CBLL1: variants seen among roughly 807,000 people sequenced by gnomAD.
The protein encoded by CBLL1 is Cbl proto-oncogene like 1, also known as E3 ubiquitin-protein ligase Hakai.
CBLL1 carries 4 observed loss-of-function variants against 44.9 expected under a neutral mutation model. That is an observed-to-expected ratio of 0.09 (90% CI 0.04 to 0.20). The LOEUF (loss-of-function observed/expected upper bound fraction) is 0.20, where lower values mean the gene tolerates loss of function less well. CBLL1 is among the 10% of genes least tolerant of loss of function. The probability of loss-of-function intolerance (pLI) is 1.00; values close to 1 mark genes in which losing one functional copy is unlikely to be tolerated. For missense variants in CBLL1, 569 were observed against 636.7 expected (o/e 0.89, Z 1.14); for synonymous variants, 235 against 202.2 (o/e 1.16, Z -1.38).
At chr7:107,757,199 A>G (rs994499053) in intron 5 of CBLL1, among the ~76,000 whole-genome samples, 3 of 152,304 alleles carry the variant, frequency 2.0e-5, no homozygotes, top group Middle Eastern at 3.4e-3. Context: ...ATATTTATAT[A>G]TAGTGCTTAA....
At chr7:107,745,035 T>C (rs1009707910) in intron 1 of CBLL1, among the ~76,000 whole-genome samples, 15 of 152,048 alleles carry the variant, frequency 9.9e-5, no homozygotes, top group Non-Finnish European at 1.8e-4. Flanking sequence ...TATAATTAGG[T>C]GTGTATGTTT....
intron 1 of CBLL1, among the ~76,000 whole-genome samples, chr7:107,746,921 T>TAA (rs35594491): frequency 6.6e-6 from 1 of 151,900 alleles, no homozygotes; most frequent in East Asian, 1.9e-4. Context: ...TTATTCAAGA[T>TAA]AAAAAATCCC....
In CBLL1 at chr7:107,759,020, A is replaced by T; in HGVS notation, c.1318A>T (p.Ser440Cys). ...GTTCACTGAAGATCAAGGAACTCTG[A>T]GCCCTCCATTTACACAACCAGGGGG... The part of the protein sequence containing the change: ...PQFTEDQGTL[S>C]PPFTQPGGMS... Residue 440 changes from serine to cysteine, a missense_variant, in exon 6 of 6, where the codon AGC becomes TGC. Physicochemically the swap from Ser to Cys is moderately radical, Grantham distance 112. Transcript: ENST00000440859. 1 of 1,613,992 alleles carries T rather than the reference A, an allele frequency of 6.2e-7. No individual in the cohort carries two copies. The highest frequency in any genetic ancestry group is 2.2e-5 in the East Asian group (1 of 44,866).
Position 107,759,292 on chromosome 7 carries a change from C to T in CBLL1, c.*114C>T, listed in dbSNP as rs961174989. On this transcript the variant is annotated 3_prime_UTR_variant, in exon 6 of 6. Coordinates refer to ENST00000440859, the MANE Select transcript of CBLL1 (RefSeq NM_024814.4). ...TACCTCTTATCGAGGTAGTATAAAA[C>T]ACATAGGGTCTTGTTTCTTAAAATG... 3.0e-5 allele frequency: 26 copies of T among 866,684 alleles called. No individual in the cohort carries two copies. Among genetic ancestry groups the T allele is most frequent in the Non-Finnish European group, 4.6e-5 (26 of 568,370 alleles). 53.7% of individuals were successfully genotyped at this position (866,684 alleles called of 1,614,324 possible).
chr7:107,750,985 T>C (rs908435088), intron 2 of CBLL1, among the ~76,000 whole-genome samples: 1 of 152,048 alleles, frequency 6.6e-6, no homozygotes, highest in African/African-American at 2.4e-5. Context: ...TCTGGCTTTT[T>C]TTTTTTTCCC....
intron 1 of CBLL1, among the ~76,000 whole-genome samples, chr7:107,747,412 T>G (rs1793070373): frequency 6.6e-6 from 1 of 152,230 alleles, no homozygotes; most frequent in Non-Finnish European, 1.5e-5. Flanking sequence ...TACAACGACT[T>G]GCTTTTTAGT....
chr7:107,757,013 T>G (rs1793555991), intron 5 of CBLL1, among the ~76,000 whole-genome samples: 1 of 152,154 alleles, frequency 6.6e-6, no homozygotes, highest in African/African-American at 2.4e-5. Flanking sequence ...AAGCAAAAAG[T>G]GTGCCAGATG....
At position 107,760,220 on chromosome 7, in the gene CBLL1, C is replaced by T. The variant is rs1793713383; in HGVS notation, c.*1042C>T. 6.6e-6 allele frequency: 1 copy of T among 152,076 alleles called. No homozygotes were observed. Among genetic ancestry groups the T allele is most frequent in the East Asian group, 1.9e-4 (1 of 5,324 alleles). 9.4% of individuals were successfully genotyped at this position (152,076 alleles called of 1,614,324 possible). A position where few individuals can be genotyped will look rare whatever the true frequency, so the allele number is the denominator to read the frequency against. ...AGGATTTTCAACTACAGTTTGAATG[C>T]CATGGAGGAATTTGAATAATATATT... On this transcript the variant is annotated 3_prime_UTR_variant, in exon 6 of 6. Coordinates refer to ENST00000440859, the MANE Select transcript of CBLL1 (RefSeq NM_024814.4).
At chr7:107,749,131 C>G in intron 2 of CBLL1, 84 bp downstream of exon 2, 1 of 1,214,346 alleles carries the variant, frequency 8.2e-7, no homozygotes, top group Non-Finnish European at 1.2e-6. Flanking sequence ...ATAGCTACCT[C>G]TTTTTGTCTT....
intron 2 of CBLL1, 105 bp downstream of exon 2, chr7:107,749,152 T>C: frequency 3.2e-6 from 3 of 932,302 alleles, no homozygotes; most frequent in Non-Finnish European, 4.7e-6. Flanking sequence ...ACATATTCTA[T>C]TCATTCTTCA....
intron 2 of CBLL1, among the ~76,000 whole-genome samples, chr7:107,750,952 T>C (rs1290965408): frequency 1.3e-5 from 2 of 151,118 alleles, no homozygotes; most frequent in African/African-American, 4.9e-5. Flanking sequence ...CATTTATGGT[T>C]ATTAAGGGGA....
chr7:107,758,775 C>T lies in CBLL1; in HGVS notation c.1073C>T (p.Pro358Leu), dbSNP rs1309188215. ...CCAATAAGCCATCCAATGCCACATCCTCCCCAGGCTGCAGGTACTCCTCAC... is the reference window on the plus strand; with the variant it reads ...CCAATAAGCCATCCAATGCCACATCTTCCCCAGGCTGCAGGTACTCCTCAC... The part of the protein sequence containing the change: ...PPPISHPMPH[P>L]PQAAGTPHLV... The change falls in exon 6 of 6, where the codon CCT becomes CTT. Residue 358 changes from proline to leucine, a missense_variant. This residue lies in a region of CBLL1 where 228 missense variants were observed against 253.2 expected (regional missense o/e 0.90). Transcript: ENST00000440859. This position sits in a 1 kb window ranked among gnomAD's most constrained non-coding sequence, Gnocchi z 4.2. 5 of 1,613,690 alleles carry T rather than the reference C, an allele frequency of 3.1e-6. No homozygotes were observed. Among genetic ancestry groups the T allele is most frequent in the Non-Finnish European group, 2.5e-6 (3 of 1,179,932 alleles).
Position 107,758,484 on chromosome 7 carries a change from G to T in CBLL1, c.782G>T (p.Arg261Leu), listed in dbSNP as rs769077417. The T allele has an allele frequency of 5.6e-6, 9 of 1,613,888 alleles. No homozygotes were observed. The highest frequency in any genetic ancestry group is 3.3e-5 in the South Asian group (3 of 91,058). Reference protein sequence around the residue: ...EHYNQPHEDIRAPPAELSMAP... With the variant: ...EHYNQPHEDILAPPAELSMAP... The stretch of plus-strand genomic sequence containing the variant: ...TATAATCAGCCACATGAGGATATTC[G>T]TGCTCCTCCAGCAGAATTGTCCATG... Residue 261 changes from arginine to leucine, a missense_variant, in exon 6 of 6, where the codon CGT becomes CTT. Physicochemically the swap from Arg to Leu is moderately radical, Grantham distance 102. Coordinates refer to ENST00000440859, the MANE Select transcript of CBLL1 (RefSeq NM_024814.4). The surrounding 1 kb of genome is among the most constrained non-coding windows in gnomAD (Gnocchi z 4.2).
Position 107,749,038 on chromosome 7 carries a change from G to C in CBLL1, c.172G>C (p.Gly58Arg), listed in dbSNP as rs748758476. 1 of 1,613,354 alleles carries C rather than the reference G, an allele frequency of 6.2e-7. No homozygotes were observed. The highest frequency in any genetic ancestry group is 1.7e-5 in the Admixed American group (1 of 59,864). The change falls in exon 2 of 6, where the codon GGT becomes CGT. Residue 58 changes from glycine to arginine, a missense_variant. Coordinates refer to ENST00000440859, the MANE Select transcript of CBLL1 (RefSeq NM_024814.4). ...CAGGATGCCTGCAAAGGCTCCACCTGGTGATGAAGGTAATTTGTTTAACTA... is the reference window on the plus strand; with the variant it reads ...CAGGATGCCTGCAAAGGCTCCACCTCGTGATGAAGGTAATTTGTTTAACTA... Reference protein sequence around the residue: ...INRMPAKAPPGDEEGFDYNEE... With the variant: ...INRMPAKAPPRDEEGFDYNEE...
At chr7:107,749,165 C>G in intron 2 of CBLL1, 118 bp downstream of exon 2, 1 of 822,104 alleles carries the variant, frequency 1.2e-6, no homozygotes, top group East Asian at 2.9e-5. Context: ...ATTCTTCAAC[C>G]TTCTTGTTTG....
chr7:107,748,870 C>A lies in CBLL1; in HGVS notation c.14-10C>A. The A allele has an allele frequency of 6.4e-7, 1 of 1,565,016 alleles. No homozygotes were observed. The highest frequency in any genetic ancestry group is 8.6e-7 in the Non-Finnish European group (1 of 1,160,008). ...CTAAAAGAAATTACAACTTTTTTTTCCTAACACAGACAATGAGTTACAAGG... is the reference window on the plus strand; with the variant it reads ...CTAAAAGAAATTACAACTTTTTTTTACTAACACAGACAATGAGTTACAAGG... On this transcript the variant is annotated splice_polypyrimidine_tract_variant and intron_variant, in intron 1 of 5. Transcript: ENST00000440859.
rs779992288 is a variant in CBLL1 at position 107,758,176 on chromosome 7, T to C, written c.474T>C (p.Cys158=). ...ATCCTGTGCAGCGAATTGAGCAGTG[T>C]ACACGAGGTTCTCTCTTCATGTGTA... is the stretch of plus-strand genomic sequence containing the variant. ...CSDPVQRIEQ[C]TRGSLFMCSI... is the part of the protein sequence containing the mutation. The change falls in exon 6 of 6, where the codon TGT becomes TGC. Residue 158 remains cysteine, a synonymous_variant. Transcript: ENST00000440859. This position sits in a 1 kb window ranked among gnomAD's most constrained non-coding sequence, Gnocchi z 4.2. 6.2e-7 allele frequency: 1 copy of C among 1,613,762 alleles called. No homozygotes were observed. The highest frequency in any genetic ancestry group is 1.3e-5 in the African/African-American group (1 of 75,048).
chr7:107,749,399 A>C (rs1300472069), intron 2 of CBLL1: 1 of 156,844 alleles, frequency 6.4e-6, no homozygotes, highest in African/African-American at 2.4e-5. Context: ...TTTTCATGTA[A>C]TATGCATTTG....
At position 107,758,956 on chromosome 7, in the gene CBLL1, A is replaced by C. The variant is rs1185207461; in HGVS notation, c.1254A>C (p.Ala418=). The change falls in exon 6 of 6, where the codon GCA becomes GCC. Residue 418 remains alanine, a synonymous_variant. Transcript: ENST00000440859. This position sits in a 1 kb window ranked among gnomAD's most constrained non-coding sequence, Gnocchi z 4.2. ...PPQHGGPPVT[A]PPPHHYNPNS... is the part of the protein sequence containing the mutation. The stretch of plus-strand genomic sequence containing the variant: ...AACATGGTGGTCCACCTGTAACTGC[A>C]CCCCCTCCTCACCATTATAATCCTA... 2 of 1,613,088 alleles carry C rather than the reference A, an allele frequency of 1.2e-6. No individual in the cohort carries two copies. The highest frequency in any genetic ancestry group is 1.7e-6 in the Non-Finnish European group (2 of 1,179,690).
Sources: gnomAD v4.1 joint callset for allele counts (sites outside exome capture counted in the v4.1 genomes callset) on GRCh38, gnomAD v4.1.1 for gene constraint, gnomAD v4.1.1 regional missense constraint, Gnocchi (gnomAD v3.1) non-coding constraint, MANE v1.5 for transcripts, NCBI Gene and HGNC (gene_info 2026-07-23, HGNC 2026-07-21) for gene names.